TM2D1: variants seen among roughly 807,000 people sequenced by gnomAD.
TM2D1 encodes TM2 domain-containing protein 1.
Under a neutral mutation model 28.4 loss-of-function variants are expected in TM2D1, and 15 were observed. That is an observed-to-expected ratio of 0.53 (90% CI 0.35 to 0.81). The LOEUF is 0.81. Among genes scored for constraint, TM2D1 ranks in the 40% least tolerant of loss-of-function variants. The pLI is 0.01. For missense variants in TM2D1, 236 were observed against 254.9 expected (o/e 0.93, Z 0.50); for synonymous variants, 93 against 96.2 (o/e 0.97, Z 0.20).
intron 5 of TM2D1, among the ~76,000 whole-genome samples, chr1:61,690,372 G>A (rs1151761): frequency 6.8e-4 from 97 of 143,702 alleles, no homozygotes; most frequent in African/African-American, 2.3e-3. Context: ...GATGAGAATC[G>A]CTTGAAGCCG....
chr1:61,721,051 G>A (rs1364986309), intron 2 of TM2D1, among the ~76,000 whole-genome samples: 3 of 151,452 alleles, frequency 2.0e-5, no homozygotes, highest in African/African-American at 4.9e-5. Context: ...ACATCCCATC[G>A]CTACTCACCC....
intron 2 of TM2D1, among the ~76,000 whole-genome samples, chr1:61,714,913 A>G (rs1644505927): frequency 6.6e-6 from 1 of 152,204 alleles, no homozygotes; most frequent in Non-Finnish European, 1.5e-5. Flanking sequence ...TTAGTTTTCA[A>G]TATTTAATCA....
At chr1:61,700,157 T>G (rs765739543) in intron 4 of TM2D1, 1 of 1,511,644 alleles carries the variant, frequency 6.6e-7, no homozygotes, top group Admixed American at 2.5e-5. Flanking sequence ...AATCTCTTAA[T>G]CTCGTGACAA....
chr1:61,691,851 G>A (rs570222802), intron 5 of TM2D1, among the ~76,000 whole-genome samples: 2 of 147,912 alleles, frequency 1.4e-5, no homozygotes, highest in African/African-American at 4.9e-5. Flanking sequence ...GGAGGTGGAG[G>A]TTGCGGTGAG....
chr1:61,688,089 T>G (rs191796122), intron 5 of TM2D1, among the ~76,000 whole-genome samples: 7 of 152,336 alleles, frequency 4.6e-5, no homozygotes, highest in Admixed American at 4.6e-4. Flanking sequence ...TCATTTGACT[T>G]AAAGAATTCT....
In TM2D1 at chr1:61,713,199, C is replaced by T. The variant is rs532175440; in HGVS notation, c.239-3762G>A. On this transcript the variant is annotated intron_variant, in intron 2 of 6. Coordinates refer to ENST00000606498, the MANE Select transcript of TM2D1 (RefSeq NM_032027.3). ...AAAAAAAAAAGCTGAGAATCTAGGC[C>T]GGGTGCAGCGGCTCATGCCTGTAAT... Among the ~76,000 whole-genome samples the T allele has an allele frequency of 2.2e-3, 317 of 143,796 alleles. 3 individuals are homozygous for T. Among genetic ancestry groups the T allele is most frequent in the African/African-American group, 7.9e-3 (307 of 38,700 alleles). 94.3% of individuals were successfully genotyped at this position (143,796 alleles called of 152,430 possible).
At chr1:61,691,932 A>AAAAAAAAAATAT in intron 5 of TM2D1, among the ~76,000 whole-genome samples, 1 of 76,412 alleles carries the variant, frequency 1.3e-5, no homozygotes, top group African/African-American at 4.7e-5. Context: ...AAAAAAAAAA[A>AAAAAAAAAATAT]ATATATATAT....
intron 6 of TM2D1, among the ~76,000 whole-genome samples, chr1:61,681,839 T>C (rs753353337): frequency 6.6e-6 from 1 of 152,166 alleles, no homozygotes; most frequent in Non-Finnish European, 1.5e-5. Context: ...TGTGACAGAA[T>C]GTATGGAAGA....
chr1:61,702,240 C>A (rs1436748558), intron 3 of TM2D1, among the ~76,000 whole-genome samples: 1 of 151,774 alleles, frequency 6.6e-6, no homozygotes, highest in African/African-American at 2.4e-5. Context: ...GCTTAAGAAA[C>A]TGGGTAGAAC....
intron 2 of TM2D1, among the ~76,000 whole-genome samples, chr1:61,714,078 G>A (rs1330589714): frequency 6.9e-6 from 1 of 144,312 alleles, no homozygotes; most frequent in East Asian, 2.0e-4. Context: ...TGTATTTTTA[G>A]TAGAGACGGG....
Position 61,719,542 on chromosome 1 carries a change from G to C in TM2D1, c.238+4171C>G, listed in dbSNP as rs145630829. Among the ~76,000 whole-genome samples, 871 of 152,166 alleles carry C rather than the reference G, an allele frequency of 5.7e-3. 10 individuals are homozygous for C. The highest frequency in any genetic ancestry group is 0.02 in the African/African-American group (817 of 41,496). On this transcript the variant is annotated intron_variant, in intron 2 of 6. Transcript: ENST00000606498. ...AGTTTCACTCTTGTTGCCCAGGCTA[G>C]AGTGCAGTGGCGCAATCTTGGCTCA...
intron 5 of TM2D1, among the ~76,000 whole-genome samples, chr1:61,691,627 A>G (rs992801145): frequency 1.3e-5 from 2 of 151,754 alleles, no homozygotes; most frequent in Non-Finnish European, 2.9e-5. Context: ...ATATAAAAAT[A>G]TAAGGAGGCT....
At chr1:61,688,542 G>T (rs893821176) in intron 5 of TM2D1, among the ~76,000 whole-genome samples, 5 of 152,182 alleles carry the variant, frequency 3.3e-5, no homozygotes, top group African/African-American at 1.2e-4. Flanking sequence ...GGCCAACATG[G>T]TGAAATCCCG....
intron 4 of TM2D1, chr1:61,699,214 C>G (rs1277284066): frequency 6.6e-6 from 1 of 151,848 alleles, no homozygotes; most frequent in Non-Finnish European, 1.5e-5. Context: ...CATGGTGGTA[C>G]ATGCCTGTAG....
chr1:61,721,951 T>TAAAA (rs768461684), intron 2 of TM2D1, among the ~76,000 whole-genome samples: 3 of 43,994 alleles, frequency 6.8e-5, no homozygotes, highest in Admixed American at 2.7e-4. Context: ...TCTCTACAGC[T>TAAAA]AAAAAAAAAA....
chr1:61,688,742 CA>C (rs574994323), intron 5 of TM2D1, among the ~76,000 whole-genome samples: 46 of 138,354 alleles, frequency 3.3e-4, no homozygotes, highest in Admixed American at 6.6e-4. Context: ...CCCCGCCACC[CA>C]AAAAAAAAAA....
intron 2 of TM2D1, among the ~76,000 whole-genome samples, chr1:61,717,563 G>T (rs908192068): frequency 1.5e-4 from 23 of 151,594 alleles, no homozygotes; most frequent in Non-Finnish European, 4.4e-5. Context: ...CAACAGTGTG[G>T]TTTTTTTTGT....
At chr1:61,700,818 C>A in intron 4 of TM2D1, 116 bp downstream of exon 4, 1 of 720,550 alleles carries the variant, frequency 1.4e-6, no homozygotes, top group South Asian at 2.2e-5. Flanking sequence ...ATTAACTACT[C>A]AACTCCAATT....
At chr1:61,709,941 T>C (rs1644465198) in intron 2 of TM2D1, among the ~76,000 whole-genome samples, 1 of 152,230 alleles carries the variant, frequency 6.6e-6, no homozygotes, top group South Asian at 2.1e-4. Context: ...CCTCTGGGGT[T>C]TGATATAGAT....
Sources: gnomAD v4.1 joint callset for allele counts (sites outside exome capture counted in the v4.1 genomes callset) on GRCh38, gnomAD v4.1.1 for gene constraint, MANE v1.5 for transcripts, NCBI Gene and HGNC (gene_info 2026-07-23, HGNC 2026-07-21) for gene names.